Variants in NRG1 observed in about 807,000 individuals in gnomAD.
NRG1 encodes neuregulin 1.
NRG1 carries 18 observed loss-of-function variants against 63.8 expected under a neutral mutation model. That is an observed-to-expected ratio of 0.28 (90% CI 0.19 to 0.42). The LOEUF (loss-of-function observed/expected upper bound fraction) is 0.42. NRG1 is among the 10% of genes least tolerant of loss of function. NRG1 has a pLI of 1.00. For synonymous variants in NRG1, 302 were observed against 301.3 expected (o/e 1.00, Z -0.02); for missense variants, 762 against 814.7 (o/e 0.94, Z 0.79).
chr8:32,284,387 T>A (rs1853243114), intron 1 of NRG1, among the ~76,000 whole-genome samples: 1 of 152,062 alleles, frequency 6.6e-6, no homozygotes, highest in Admixed American at 6.6e-5. Flanking sequence ...TCGAGGCCAA[T>A]CTCTTTCCCC....
chr8:32,231,185 A>T (rs1397083211), intron 1 of NRG1, among the ~76,000 whole-genome samples: 2 of 152,086 alleles, frequency 1.3e-5, no homozygotes, highest in Non-Finnish European at 1.5e-5. Context: ...GAAATTGGTT[A>T]AAAAAAGGGT....
intron 1 of NRG1, among the ~76,000 whole-genome samples, chr8:32,585,570 A>G (rs561524177): frequency 6.6e-6 from 1 of 152,308 alleles, no homozygotes; most frequent in East Asian, 1.9e-4. Context: ...GGGTTATCAC[A>G]TCGCAGTGAA....
Position 31,894,546 on chromosome 8 carries a change from C to CTTTTTTTTT in NRG1, c.37+255121_37+255122insTTTTTTTTT, listed in dbSNP as rs370312165. 5.1e-5 allele frequency among the ~76,000 whole-genome samples: 5 copies of CTTTTTTTTT among 98,068 alleles called. 1 individual carries two copies. Among genetic ancestry groups the CTTTTTTTTT allele is most frequent in the African/African-American group, 1.0e-4 (3 of 30,082 alleles). 64.3% of individuals were successfully genotyped at this position (98,068 alleles called of 152,430 possible). A position where few individuals can be genotyped will look rare whatever the true frequency, so the allele number is the denominator to read the frequency against. ...GTGAAATCATAATTGCTATTTCTTT[C>CTTTTTTTTT]TTTTTTCTTTTTTTTTTTTTTTGAG... is the stretch of plus-strand genomic sequence containing the variant. On this transcript the variant is annotated intron_variant, in intron 1 of 10. Transcript: ENST00000519301.
chr8:32,265,360 T>G (rs1215592648), intron 1 of NRG1, among the ~76,000 whole-genome samples: 1 of 151,862 alleles, frequency 6.6e-6, no homozygotes, highest in Non-Finnish European at 1.5e-5. Flanking sequence ...ATTAAAAAAA[T>G]AATATTGCTG....
chr8:31,876,912 C>G (rs1829970857), intron 1 of NRG1, among the ~76,000 whole-genome samples: 1 of 152,154 alleles, frequency 6.6e-6, no homozygotes, highest in Non-Finnish European at 1.5e-5. Context: ...TGTGTGCATA[C>G]TTTCTTAAGT....
chr8:32,110,507 C>T (rs976400845), intron 1 of NRG1, among the ~76,000 whole-genome samples: 2 of 152,160 alleles, frequency 1.3e-5, no homozygotes, highest in Non-Finnish European at 2.9e-5. Context: ...TAAGAGAGAT[C>T]TTTGCTCTTT....
chr8:32,103,173 C>T (rs555726128), intron 1 of NRG1, among the ~76,000 whole-genome samples: 76 of 152,176 alleles, frequency 5.0e-4, no homozygotes, highest in Non-Finnish European at 9.0e-4. Flanking sequence ...CTCTACCTCT[C>T]CCTGATCCCC....
intron 1 of NRG1, among the ~76,000 whole-genome samples, chr8:32,191,088 A>T (rs2132196112): frequency 6.8e-6 from 1 of 146,154 alleles, no homozygotes; most frequent in Non-Finnish European, 1.5e-5. Flanking sequence ...CAGTTATTAG[A>T]TTTTTTTTTT....
chr8:32,418,954 C>T (rs1816315403), intron 1 of NRG1, among the ~76,000 whole-genome samples: 1 of 152,160 alleles, frequency 6.6e-6, no homozygotes, highest in Non-Finnish European at 1.5e-5. Flanking sequence ...ATACATCTTA[C>T]AATTAATGTG....
intron 1 of NRG1, among the ~76,000 whole-genome samples, chr8:31,646,021 T>C (rs1473125764): frequency 6.6e-6 from 1 of 152,184 alleles, no homozygotes; most frequent in East Asian, 1.9e-4. Context: ...TAGCCTTCTC[T>C]CGAAACCTTG....
intron 5 of NRG1, among the ~76,000 whole-genome samples, chr8:32,657,298 T>C (rs1048520788): frequency 1.3e-5 from 2 of 151,872 alleles, no homozygotes; most frequent in African/African-American, 4.8e-5. Flanking sequence ...TTCCCTCCCT[T>C]TGTTTCTTTC....
chr8:32,048,949 A>G (rs562240810), intron 1 of NRG1, among the ~76,000 whole-genome samples: 66 of 152,146 alleles, frequency 4.3e-4, no homozygotes, highest in African/African-American at 1.4e-3. Flanking sequence ...GGGAGGCCAA[A>G]TGGAAAGCCT....
chr8:32,277,406 C>T (rs1268132251), intron 1 of NRG1, among the ~76,000 whole-genome samples: 1 of 152,210 alleles, frequency 6.6e-6, no homozygotes, highest in Non-Finnish European at 1.5e-5. Flanking sequence ...AACATCCAAT[C>T]TGCAGCCTGT....
At chr8:32,446,146 C>T (rs1176605338) in intron 1 of NRG1, among the ~76,000 whole-genome samples, 6 of 152,156 alleles carry the variant, frequency 3.9e-5, no homozygotes, top group Non-Finnish European at 8.8e-5. Flanking sequence ...TCACACAAAA[C>T]CTTGAAATCA....
In NRG1 at chr8:31,721,281, C is replaced by A. The variant is rs118157216; in HGVS notation, c.37+81850C>A. Among the ~76,000 whole-genome samples, 587 of 152,228 alleles carry A rather than the reference C, an allele frequency of 3.9e-3. 1 individual carries two copies. Among genetic ancestry groups the A allele is most frequent in the South Asian group, 0.019 (91 of 4,818 alleles). The stretch of plus-strand genomic sequence containing the variant: ...CCCCAAACATTAGATCTAGGCTATT[C>A]TTTCCATAGGATATTGTAATCCTGT... On this transcript the variant is annotated intron_variant, in intron 1 of 10. Transcript: ENST00000519301.
At chr8:32,168,340 A>G (rs1245223984) in intron 1 of NRG1, among the ~76,000 whole-genome samples, 3 of 152,202 alleles carry the variant, frequency 2.0e-5, no homozygotes, top group Non-Finnish European at 4.4e-5. Context: ...TTACTGGTCA[A>G]CACAATGTGC....
At chr8:32,109,261 T>G (rs1412384359) in intron 1 of NRG1, among the ~76,000 whole-genome samples, 2 of 152,154 alleles carry the variant, frequency 1.3e-5, no homozygotes, top group Admixed American at 6.5e-5. Context: ...TTCTCCTTTT[T>G]CCCAAGGTTC....
intron 7 of NRG1, among the ~76,000 whole-genome samples, chr8:32,753,744 G>A (rs948533458): frequency 6.6e-6 from 1 of 152,150 alleles, no homozygotes; most frequent in Non-Finnish European, 1.5e-5. Context: ...CAGAGAGCCT[G>A]ACTCAATTTA....
chr8:31,935,995 G>A (rs140684942), intron 1 of NRG1, among the ~76,000 whole-genome samples: 409 of 152,206 alleles, frequency 2.7e-3, no homozygotes, highest in Middle Eastern at 0.017. Flanking sequence ...AGGAGTAAGT[G>A]AGCAGGAAAC....
Sources: gnomAD v4.1 joint callset for allele counts (sites outside exome capture counted in the v4.1 genomes callset) on GRCh38, gnomAD v4.1.1 for gene constraint, MANE v1.5 for transcripts, NCBI Gene and HGNC (gene_info 2026-07-23, HGNC 2026-07-21) for gene names.